Variants in GRAMD2B observed in about 807,000 individuals in gnomAD.
GRAMD2B encodes the protein GRAM domain-containing protein 2B.
A neutral mutation model predicts 59.2 loss-of-function variants in GRAMD2B; 41 were observed. The ratio of observed to expected loss-of-function variants is 0.69; its 90% CI spans 0.54 to 0.90. The LOEUF is 0.90. Ranked by LOEUF, GRAMD2B falls within the 40% of genes least tolerant of loss-of-function variation. The pLI is 0.00. For synonymous variants in GRAMD2B, 161 were observed against 182.7 expected (o/e 0.88, Z 0.96); for missense variants, 424 against 500.5 (o/e 0.85, Z 1.46).
rs78397257 is a variant in GRAMD2B at position 126,465,428 on chromosome 5, C to T, written c.86C>T (p.Ser29Leu). The change falls in exon 2 of 14, where the codon TCA becomes TTA. Residue 29 changes from serine (S) to leucine (L), a missense_variant and splice_region_variant. Ser to Leu is a moderately radical substitution (Grantham distance 145, BLOSUM62 -2). Transcript: ENST00000285689. Reference sequence around the variant, plus strand: ...AAGCGGTTTCCTTTCTTCTTCAGCTCAGAGGCTGAGAATGGTGTGGAGGAG... The same window carrying T: ...AAGCGGTTTCCTTTCTTCTTCAGCTTAGAGGCTGAGAATGGTGTGGAGGAG... The part of the protein sequence containing the change: ...KRESKLGSAH[S>L]EAENGVEEKK... 134 of 1,614,150 alleles carry T rather than the reference C, an allele frequency of 8.3e-5. No individual in the cohort carries two copies. In the African/African-American group the frequency reaches 1.7e-3, roughly 20 times the overall value.
At chr5:126,456,675 CTTCCTTTTAACAGGCGTATCTTTCTAG>C (rs1766338255) in intron 1 of GRAMD2B, among the ~76,000 whole-genome samples, 1 of 152,240 alleles carries the variant, frequency 6.6e-6, no homozygotes, top group African/African-American at 2.4e-5. Flanking sequence ...CCTTCCCTCT[CTTCCTTTTAACAGGCGTATCTTTCTAG>C]TTCCTATTTT....
rs761508936 is a variant in GRAMD2B, at chr5:126,488,912, T to C, written c.1257+20T>C. 53 of 1,574,386 alleles carry C rather than the reference T, an allele frequency of 3.4e-5. No homozygotes were observed. In the South Asian group the frequency reaches 5.3e-4, roughly 16 times the overall value. The stretch of plus-strand genomic sequence containing the variant: ...GAAAAGGTGACCTATTTCTTTCCTG[T>C]GTATGGGGGCAGTCACAGTAGTGCC... On this transcript the variant is annotated intron_variant, in intron 13 of 13. Transcript: ENST00000285689.
intron 1 of GRAMD2B, among the ~76,000 whole-genome samples, chr5:126,364,419 A>G (rs1263284774): frequency 6.6e-6 from 1 of 152,262 alleles, no homozygotes; most frequent in Non-Finnish European, 1.5e-5. Context: ...GTAAATATCT[A>G]TCTAATTACT....
chr5:126,461,708 G>C (rs879443679), intron 1 of GRAMD2B, among the ~76,000 whole-genome samples: 3 of 152,182 alleles, frequency 2.0e-5, no homozygotes, highest in Non-Finnish European at 2.9e-5. Context: ...GCTGAGGCAG[G>C]AGAATCACTT....
At chr5:126,467,193 T>G (rs1768606635) in intron 2 of GRAMD2B, among the ~76,000 whole-genome samples, 1 of 152,136 alleles carries the variant, frequency 6.6e-6, no homozygotes, top group Non-Finnish European at 1.5e-5. Flanking sequence ...AAGAATCGCT[T>G]GAACCCAGAA....
chr5:126,425,332 T>G (rs943515601), intron 1 of GRAMD2B, among the ~76,000 whole-genome samples: 9 of 152,368 alleles, frequency 5.9e-5, no homozygotes, highest in Non-Finnish European at 1.0e-4. Flanking sequence ...ATGTGGTATA[T>G]ATACACAATA....
intron 1 of GRAMD2B, among the ~76,000 whole-genome samples, chr5:126,384,350 T>C (rs1234515408): frequency 2.0e-5 from 3 of 152,238 alleles, no homozygotes; most frequent in Admixed American, 1.3e-4. Context: ...CTCTTGCTCA[T>C]CCTCATATTG....
At chr5:126,376,025 C>G (rs533505628) in intron 1 of GRAMD2B, among the ~76,000 whole-genome samples, 5 of 152,140 alleles carry the variant, frequency 3.3e-5, no homozygotes, top group Admixed American at 6.5e-5. Flanking sequence ...ATTGCTGTAA[C>G]GTCTATAGGT....
At chr5:126,463,388 GT>G (rs1767715305) in intron 1 of GRAMD2B, among the ~76,000 whole-genome samples, 1 of 152,152 alleles carries the variant, frequency 6.6e-6, no homozygotes, top group Non-Finnish European at 1.5e-5. Context: ...GAGATAATGT[GT>G]TTGTGTCTTG....
chr5:126,448,525 A>G (rs1764765341), intron 1 of GRAMD2B, among the ~76,000 whole-genome samples: 2 of 152,162 alleles, frequency 1.3e-5, no homozygotes, highest in African/African-American at 4.8e-5. Flanking sequence ...GAATGATATG[A>G]TCATATTTGG....
chr5:126,409,334 T>C (rs1758551040), intron 1 of GRAMD2B, among the ~76,000 whole-genome samples: 1 of 152,330 alleles, frequency 6.6e-6, no homozygotes, highest in South Asian at 2.1e-4. Context: ...TTTCTCCACA[T>C]CCTCTCCAGC....
At chr5:126,446,363 T>C (rs1764229459) in intron 1 of GRAMD2B, among the ~76,000 whole-genome samples, 1 of 152,260 alleles carries the variant, frequency 6.6e-6, no homozygotes, top group African/African-American at 2.4e-5. Context: ...TTGTACCTGT[T>C]TTCTATGTTA....
At chr5:126,390,912 TAA>T (rs1417863725) in intron 1 of GRAMD2B, among the ~76,000 whole-genome samples, 1 of 152,166 alleles carries the variant, frequency 6.6e-6, no homozygotes, top group Non-Finnish European at 1.5e-5. Flanking sequence ...ATTCCCGTAA[TAA>T]AAGAGTTGGA....
chr5:126,429,194 A>G (rs1463170107), intron 1 of GRAMD2B, among the ~76,000 whole-genome samples: 1 of 152,244 alleles, frequency 6.6e-6, no homozygotes, highest in Non-Finnish European at 1.5e-5. Flanking sequence ...ACACCATGGA[A>G]TACTATCCAG....
At chr5:126,416,976 C>A (rs951181131) in intron 1 of GRAMD2B, among the ~76,000 whole-genome samples, 1 of 152,320 alleles carries the variant, frequency 6.6e-6, no homozygotes, top group Admixed American at 6.5e-5. Context: ...AATGTCAGAG[C>A]CACAACAGCA....
intron 1 of GRAMD2B, among the ~76,000 whole-genome samples, chr5:126,397,606 GC>G (rs1757471050): frequency 1.3e-5 from 2 of 152,114 alleles, no homozygotes. Context: ...TGTGTCAAAT[GC>G]TTTTTCTGTG....
intron 1 of GRAMD2B, among the ~76,000 whole-genome samples, chr5:126,383,268 A>T (rs1755817402): frequency 6.6e-6 from 1 of 152,206 alleles, no homozygotes; most frequent in Non-Finnish European, 1.5e-5. Flanking sequence ...ACCTCTAAAG[A>T]TGTTTATTAT....
At chr5:126,381,319 T>C (rs933601383) in intron 1 of GRAMD2B, among the ~76,000 whole-genome samples, 1 of 152,156 alleles carries the variant, frequency 6.6e-6, no homozygotes, top group Non-Finnish European at 1.5e-5. Context: ...TTATTGAGGA[T>C]TTTCTCATCT....
intron 13 of GRAMD2B, among the ~76,000 whole-genome samples, chr5:126,489,630 A>T (rs4835907): frequency 0.71 from 108,387 of 152,064 alleles, 39,063 homozygotes; most frequent in East Asian, 0.98. Context: ...CTAGGGCAAA[A>T]CTGTCCTTAG....
Sources: allele counts gnomAD v4.1 joint callset (sites outside exome capture counted in the v4.1 genomes callset), GRCh38; gene constraint gnomAD v4.1.1; transcripts MANE v1.5; gene names NCBI Gene and HGNC (gene_info 2026-07-23, HGNC 2026-07-21).